The following SMARCC1 variants were observed in gnomAD, a reference collection of about 807,000 sequenced individuals.
SMARCC1 encodes SWI/SNF complex subunit SMARCC1.
SMARCC1 carries 43 observed loss-of-function variants against 147.4 expected under a neutral mutation model. The observed-to-expected ratio is 0.29, with a 90% CI of 0.23 to 0.38. The LOEUF (loss-of-function observed/expected upper bound fraction) is 0.38. Ranked by LOEUF, SMARCC1 falls within the 10% of genes least tolerant of loss-of-function variation. SMARCC1 has a pLI of 1.00. For synonymous variants in SMARCC1, 495 were observed against 484.4 expected (o/e 1.02, Z -0.29); for missense variants, 1,119 against 1,381.1 (o/e 0.81, Z 3.01).
rs2033938323 is a variant in SMARCC1 at position 47,702,686 on chromosome 3, A to C, written c.1041-1284T>G. Among the ~76,000 whole-genome samples the C allele has an allele frequency of 2.0e-5, 3 of 151,826 alleles. No individual in the cohort carries two copies. The South Asian group carries it at 6.3e-4, about 32-fold the overall frequency. ...CAATCACAGGTCACTGCATCCTTGAACTCCTCAGCTCAAGTGATCCTCCTG... is the reference window on the plus strand; with the variant it reads ...CAATCACAGGTCACTGCATCCTTGACCTCCTCAGCTCAAGTGATCCTCCTG... On this transcript the variant is annotated intron_variant, in intron 10 of 27. Coordinates refer to ENST00000254480, the MANE Select transcript of SMARCC1 (RefSeq NM_003074.4).
At chr3:47,756,259 C>A (rs1426400743) in intron 2 of SMARCC1, among the ~76,000 whole-genome samples, 2 of 151,930 alleles carry the variant, frequency 1.3e-5, no homozygotes, top group African/African-American at 2.4e-5. Flanking sequence ...TCTGGCCAGG[C>A]GTGGTGGCTC....
At chr3:47,761,989 C>T (rs957329300) in intron 2 of SMARCC1, among the ~76,000 whole-genome samples, 11 of 152,078 alleles carry the variant, frequency 7.2e-5, no homozygotes, top group Non-Finnish European at 4.4e-5. Flanking sequence ...ACAAGGTTGA[C>T]CAGCCTGGTC....
At position 47,719,156 on chromosome 3, in the gene SMARCC1, C is replaced by T. The variant is rs948980164; in HGVS notation, c.716+1510G>A. Among the ~76,000 whole-genome samples, 4 of 151,970 alleles carry T rather than the reference C, an allele frequency of 2.6e-5. No homozygotes were observed. In the South Asian group the frequency reaches 6.2e-4, roughly 24 times the overall value. On this transcript the variant is annotated intron_variant, in intron 7 of 27. Coordinates refer to ENST00000254480, the MANE Select transcript of SMARCC1 (RefSeq NM_003074.4). ...GTCTCAGTCTCCTGACCTCGTGATC[C>T]GCCCGCCTTGGCCTCCCAAAGTACT...
intron 6 of SMARCC1, among the ~76,000 whole-genome samples, chr3:47,727,533 A>C (rs750485720): frequency 6.6e-6 from 1 of 152,130 alleles, no homozygotes; most frequent in Non-Finnish European, 1.5e-5. Flanking sequence ...CTGTGTGTAC[A>C]TACCACAATT....
chr3:47,781,092 A>G (rs941501500), intron 1 of SMARCC1, among the ~76,000 whole-genome samples: 1 of 152,204 alleles, frequency 6.6e-6, no homozygotes, highest in Non-Finnish European at 1.5e-5. Flanking sequence ...AAGCACGATG[A>G]GGTAGAACCG....
intron 10 of SMARCC1, 30 bp downstream of exon 10, chr3:47,706,379 A>T: frequency 6.7e-7 from 1 of 1,484,182 alleles, no homozygotes; most frequent in Non-Finnish European, 8.9e-7. Flanking sequence ...GCCTGTTTTA[A>T]TGCCCTTTGA....
chr3:47,714,348 G>A, intron 8 of SMARCC1, 67 bp downstream of exon 8: 1 of 897,020 alleles, frequency 1.1e-6, no homozygotes, highest in Admixed American at 1.9e-5. Context: ...GGGCGACAGA[G>A]TGAGACGCCA....
chr3:47,701,650 C>T, intron 10 of SMARCC1: 1 of 389,948 alleles, frequency 2.6e-6, no homozygotes, highest in Admixed American at 4.4e-5. Context: ...CCCGTCTCTA[C>T]TGAAAATACA....
chr3:47,598,687 G>A lies in SMARCC1; in HGVS notation c.3044-7850C>T, dbSNP rs2032337220. 4.0e-5 allele frequency among the ~76,000 whole-genome samples: 6 copies of A among 151,812 alleles called. No homozygotes were observed. In the South Asian group the frequency reaches 8.3e-4, roughly 21 times the overall value. On this transcript the variant is annotated intron_variant, in intron 26 of 27. Coordinates refer to ENST00000254480, the MANE Select transcript of SMARCC1 (RefSeq NM_003074.4). Reference sequence around the variant, plus strand: ...TCTACTAAAAATATAAAAATCAGCTGTGTGTGGTGGTATATGCCTGTGGTC... The same window carrying A: ...TCTACTAAAAATATAAAAATCAGCTATGTGTGGTGGTATATGCCTGTGGTC...
At chr3:47,710,365 C>G (rs2034069591) in intron 9 of SMARCC1, among the ~76,000 whole-genome samples, 1 of 151,648 alleles carries the variant, frequency 6.6e-6, no homozygotes, top group African/African-American at 2.4e-5. Context: ...CATAGGAAAA[C>G]CAACAGCTAC....
At chr3:47,670,962 A>G (rs1267000375) in intron 18 of SMARCC1, among the ~76,000 whole-genome samples, 3 of 151,944 alleles carry the variant, frequency 2.0e-5, no homozygotes, top group Non-Finnish European at 4.4e-5. Flanking sequence ...AGGTGGGTGG[A>G]TCACTTGAGG....
At chr3:47,718,225 A>T (rs1385758812) in intron 7 of SMARCC1, among the ~76,000 whole-genome samples, 1 of 151,040 alleles carries the variant, frequency 6.6e-6, no homozygotes, top group African/African-American at 2.4e-5. Context: ...TGGGTGGATC[A>T]CCTGAGGTCA....
At chr3:47,752,528 G>A (rs2034640239) in intron 2 of SMARCC1, among the ~76,000 whole-genome samples, 1 of 152,166 alleles carries the variant, frequency 6.6e-6, no homozygotes, top group Non-Finnish European at 1.5e-5. Context: ...GCTCGCACCT[G>A]TAATTCTAAC....
intron 24 of SMARCC1, among the ~76,000 whole-genome samples, chr3:47,633,789 C>T (rs1488526276): frequency 1.1e-4 from 3 of 28,380 alleles, no homozygotes; most frequent in Non-Finnish European, 2.6e-4. Flanking sequence ...TACACACACA[C>T]ACACACACAC....
chr3:47,759,568 C>T, intron 2 of SMARCC1, among the ~76,000 whole-genome samples: 1 of 77,732 alleles, frequency 1.3e-5, no homozygotes, highest in Non-Finnish European at 3.2e-5. Context: ...TTGCAGTGAG[C>T]CAAGATTCCA....
At chr3:47,591,982 C>CTT (rs2032191142) in intron 26 of SMARCC1, among the ~76,000 whole-genome samples, 1 of 152,142 alleles carries the variant, frequency 6.6e-6, no homozygotes, top group African/African-American at 2.4e-5. Context: ...AATCCAGGGG[C>CTT]TTTACTATCT....
intron 26 of SMARCC1, among the ~76,000 whole-genome samples, chr3:47,596,839 T>C (rs766052863): frequency 2.0e-5 from 3 of 151,512 alleles, no homozygotes; most frequent in East Asian, 1.9e-4. Context: ...CAGAAAGGAA[T>C]AGGAGATGGA....
In SMARCC1 at chr3:47,721,170, T is replaced by G. The variant is rs923391730; in HGVS notation, c.647-435A>C. Among the ~76,000 whole-genome samples, 13 of 152,312 alleles carry G rather than the reference T, an allele frequency of 8.5e-5. No homozygotes were observed. The East Asian group carries it at 2.5e-3, about 29-fold the overall frequency. ...TGTAAACCGTACTTCATCTCATTGA[T>G]GAAAGTTTTACTAACTACTCTGCTT... On this transcript the variant is annotated intron_variant, in intron 6 of 27. Transcript: ENST00000254480.
intron 24 of SMARCC1, among the ~76,000 whole-genome samples, chr3:47,626,857 A>G (rs927962208): frequency 5.3e-5 from 8 of 152,164 alleles, no homozygotes; most frequent in African/African-American, 9.7e-5. Flanking sequence ...ACCCTGCTGG[A>G]AAGACCACAA....
Sources: gnomAD v4.1 joint callset for allele counts (sites outside exome capture counted in the v4.1 genomes callset) on GRCh38, gnomAD v4.1.1 for gene constraint, MANE v1.5 for transcripts, NCBI Gene and HGNC (gene_info 2026-07-23, HGNC 2026-07-21) for gene names.